FAM186B: variants seen among roughly 807,000 people sequenced by gnomAD.
The protein encoded by FAM186B is family with sequence similarity 186 member B.
In FAM186B, 68 loss-of-function variants were observed where a neutral mutation model predicts 83.4. The observed-to-expected ratio is 0.81, with a 90% confidence interval of 0.67 to 1.00. FAM186B has a LOEUF of 1.00. Ranked by LOEUF, FAM186B falls within the 50% of genes least tolerant of loss-of-function variation. The pLI, the probability that FAM186B is intolerant of heterozygous loss-of-function variation, is 0.00. For synonymous variants in FAM186B, 389 were observed against 422.0 expected (o/e 0.92, Z 0.96); for missense variants, 983 against 1,099.2 (o/e 0.89, Z 1.49).
At position 49,600,856 on chromosome 12, in the gene FAM186B, T is replaced by C. The variant is rs1939873954; in HGVS notation, c.784A>G (p.Arg262Gly). ...KENRSLETKY[R>G]HLQMQATKEL... The stretch of plus-strand genomic sequence containing the variant: ...TTGGTCGCCTGCATTTGCAGGTGCC[T>C]GTATTTGGTCTCCAGGCTCCTGTTC... Residue 262 changes from arginine (R) to glycine (G), a missense_variant, in exon 4 of 7, where the codon AGG becomes GGG. Arg to Gly is a moderately radical substitution (Grantham distance 125). Transcript: ENST00000257894. The surrounding 1 kb of genome is among the most constrained non-coding windows in gnomAD (Gnocchi z 4.3). The C allele has an allele frequency of 6.2e-7, 1 of 1,613,082 alleles. No individual in the cohort carries two copies. The highest frequency in any genetic ancestry group is 8.5e-7 in the Non-Finnish European group (1 of 1,179,714).
At chr12:49,593,641 A>AAAAAAG (rs1362958043) in intron 5 of FAM186B, among the ~76,000 whole-genome samples, 3 of 151,082 alleles carry the variant, frequency 2.0e-5, no homozygotes, top group African/African-American at 7.4e-5. Flanking sequence ...TCAAAAAAAA[A>AAAAAAG]AAAAAGAAAA....
Position 49,587,679 on chromosome 12 carries a change from T to G in FAM186B, c.2608A>C (p.Thr870Pro), listed in dbSNP as rs779338829. ...ASSSYAIEKK[T>P]PASLPRDQLR... ...TGGTCCCGGGGAAGGCTGGCAGGGG[T>G]CTTTTTTTCTATTGCGTAACTGGAG... is the stretch of plus-strand genomic sequence containing the variant. The change falls in exon 7 of 7, where the codon ACC becomes CCC. Residue 870 changes from threonine to proline, a missense_variant. Transcript: ENST00000257894. The G allele has an allele frequency of 6.2e-7, 1 of 1,613,184 alleles. No homozygotes were observed. The highest frequency in any genetic ancestry group is 8.5e-7 in the Non-Finnish European group (1 of 1,179,886).
chr12:49,621,824 C>T, the FAM186B span, among the ~76,000 whole-genome samples: 1 of 152,082 alleles, frequency 6.6e-6, no homozygotes, highest in Non-Finnish European at 1.5e-5. Flanking sequence ...GGACCCCTTG[C>T]CCTGTGGGGA....
At position 49,590,621 on chromosome 12, in the gene FAM186B, AG is replaced by A. The variant is rs1402079932; in HGVS notation, c.2365-1999del. On this transcript the variant is annotated intron_variant, in intron 5 of 6. Coordinates refer to ENST00000257894, the MANE Select transcript of FAM186B (RefSeq NM_032130.3). ...TGGGGTGGTGGGGAGGGGGTGAAAGAGTAAGGTTTCTGCTAGTGTTAGTTTT... is the reference window on the plus strand; with the variant it reads ...TGGGGTGGTGGGGAGGGGGTGAAAGATAAGGTTTCTGCTAGTGTTAGTTTT... Among the ~76,000 whole-genome samples, 12 of 152,274 alleles carry A rather than the reference AG, an allele frequency of 7.9e-5. 1 individual carries two copies. The East Asian group carries it at 2.1e-3, about 27-fold the overall frequency.
chr12:49,583,196 T>C (rs2138224266), downstream of FAM186B: 1 of 394,478 alleles, frequency 2.5e-6, no homozygotes, highest in Middle Eastern at 3.9e-4. Context: ...TTATAAAACA[T>C]AATATTGTCA....
chr12:49,596,981 T>C (rs2138275490), intron 5 of FAM186B, among the ~76,000 whole-genome samples: 1 of 152,372 alleles, frequency 6.6e-6, no homozygotes, highest in East Asian at 1.9e-4. Context: ...CGTGGTCTCA[T>C]AAGATTATAA....
At chr12:49,611,688 G>A in the FAM186B span, among the ~76,000 whole-genome samples, 1 of 134,222 alleles carries the variant, frequency 7.5e-6, no homozygotes, top group African/African-American at 2.9e-5. Context: ...GTGAAACCCC[G>A]TCTCTACTAA....
In FAM186B at chr12:49,605,469, C is replaced by T. The variant is rs1939997484; in HGVS notation, c.9G>A (p.Lys3=). The T allele has an allele frequency of 2.5e-6, 4 of 1,613,304 alleles. No individual in the cohort carries two copies. Among genetic ancestry groups the T allele is most frequent in the Middle Eastern group, 1.7e-4 (1 of 6,040 alleles). ...GAGTCACCAACTGTGGGGGGTCATC[C>T]TTCTCCATTTTGGATCACTCTGTCA... ME[K]DDPPQLVTPT... is the part of the protein sequence containing the mutation. Residue 3 remains lysine (K), a synonymous_variant, in exon 1 of 7, where the codon AAG becomes AAA. Transcript: ENST00000257894.
At chr12:49,596,323 C>CA (rs933362822) in intron 5 of FAM186B, among the ~76,000 whole-genome samples, 21,538 of 64,010 alleles carry the variant, frequency 0.34, 2,930 homozygotes, top group African/African-American at 0.41. Context: ...ACCCCCGTCT[C>CA]AAAAAAAAAA....
chr12:49,611,260 C>A, the FAM186B span, among the ~76,000 whole-genome samples: 15 of 152,122 alleles, frequency 9.9e-5, no homozygotes, highest in Admixed American at 2.6e-4. Flanking sequence ...GTAATCCCAG[C>A]TACTCAGGAG....
At chr12:49,588,925 G>A (rs902136827) in intron 5 of FAM186B, among the ~76,000 whole-genome samples, 2 of 152,198 alleles carry the variant, frequency 1.3e-5, no homozygotes, top group Admixed American at 6.5e-5. Flanking sequence ...ACCCATGAGA[G>A]CAGCTCCAGG....
At chr12:49,583,393 C>A, downstream of FAM186B, 2 of 259,808 alleles carry the variant, frequency 7.7e-6, no homozygotes, top group Non-Finnish European at 1.5e-5. Flanking sequence ...TTATTTAGAG[C>A]GATACATTTA....
chr12:49,599,752 T>C lies in FAM186B; in HGVS notation c.1888A>G (p.Lys630Glu). 6.2e-7 allele frequency: 1 copy of C among 1,614,162 alleles called. No individual in the cohort carries two copies. The highest frequency in any genetic ancestry group is 8.5e-7 in the Non-Finnish European group (1 of 1,180,024). ...GTGACAGGAAAGGAGGCAGATTTCT[T>C]GGGCTTTGTGGGAACTCGGCGGGTC... is the stretch of plus-strand genomic sequence containing the variant. ...PRTRRVPTKP[K>E]KSASFPVTGT... Residue 630 changes from lysine (K) to glutamate (E), a missense_variant, in exon 4 of 7, where the codon AAG becomes GAG. Coordinates refer to ENST00000257894, the MANE Select transcript of FAM186B (RefSeq NM_032130.3).
chr12:49,597,693 A>G (rs1939761430), intron 5 of FAM186B, among the ~76,000 whole-genome samples: 1 of 152,242 alleles, frequency 6.6e-6, no homozygotes, highest in South Asian at 2.1e-4. Context: ...CCATTTTACT[A>G]TATATGTATC....
At chr12:49,618,615 C>A in the FAM186B span, among the ~76,000 whole-genome samples, 1 of 151,830 alleles carries the variant, frequency 6.6e-6, no homozygotes, top group African/African-American at 2.4e-5. Context: ...ACAAAATATG[C>A]TATAAAAAGG....
At chr12:49,616,708 C>T in the FAM186B span, among the ~76,000 whole-genome samples, 1 of 152,262 alleles carries the variant, frequency 6.6e-6, no homozygotes, top group East Asian at 1.9e-4. Context: ...ATGCCAGAAG[C>T]CAGGTCAGCA....
upstream of FAM186B, among the ~76,000 whole-genome samples, chr12:49,609,951 T>C (rs2138321950): frequency 6.6e-6 from 1 of 152,328 alleles, no homozygotes; most frequent in South Asian, 2.1e-4. Flanking sequence ...GGATCAAGAA[T>C]ATACCCAGCC....
At chr12:49,583,165 T>C (rs547273486), downstream of FAM186B, 4 of 436,972 alleles carry the variant, frequency 9.2e-6, no homozygotes, top group South Asian at 4.8e-5. Context: ...AAACAAAGAA[T>C]GTATGAATAG....
chr12:49,596,917 A>G (rs1353294411), intron 5 of FAM186B, among the ~76,000 whole-genome samples: 1 of 152,236 alleles, frequency 6.6e-6, no homozygotes, highest in African/African-American at 2.4e-5. Context: ...TCTGGTATAT[A>G]CAGTCGTGCA....
Sources: gnomAD v4.1 joint callset for allele counts (sites outside exome capture counted in the v4.1 genomes callset) on GRCh38, gnomAD v4.1.1 for gene constraint, Gnocchi (gnomAD v3.1) non-coding constraint, MANE v1.5 for transcripts, NCBI Gene and HGNC (gene_info 2026-07-23, HGNC 2026-07-21) for gene names.